NPIPB6: variants seen among roughly 807,000 people sequenced by gnomAD.
NPIPB6 encodes nuclear pore complex-interacting protein family member B6.
In NPIPB6, 2 loss-of-function variants were observed where a neutral mutation model predicts 20.0. The observed-to-expected ratio is 0.10, with a 90% CI of 0.04 to 0.31. The LOEUF is 0.31. NPIPB6 is among the 10% of genes least tolerant of loss of function. The pLI is 1.00. For missense variants in NPIPB6, 96 were observed against 293.7 expected (o/e 0.33, Z 4.92); for synonymous variants, 35 against 116.3 (o/e 0.30, Z 4.50).
intron 1 of NPIPB6, among the ~76,000 whole-genome samples, chr16:28,359,250 CAG>C: frequency 1.7e-5 from 1 of 58,802 alleles, no homozygotes; most frequent in South Asian, 6.7e-4. Context: ...ATAGCCCAAG[CAG>C]AGACAGGGAA....
At chr16:28,342,550 G>T, downstream of NPIPB6, 1 of 1,067,398 alleles carries the variant, frequency 9.4e-7, no homozygotes, top group Non-Finnish European at 1.4e-6. Context: ...TTCTTCGTTA[G>T]TTTGTTTTTG....
chr16:28,358,944 T>TG, intron 1 of NPIPB6, among the ~76,000 whole-genome samples: 1 of 144,904 alleles, frequency 6.9e-6, no homozygotes, highest in Non-Finnish European at 1.5e-5. Context: ...TAGCCAGGCA[T>TG]GGTGGCACCC....
At chr16:28,346,340 C>A (rs1472489130) in intron 4 of NPIPB6, 1 of 789,370 alleles carries the variant, frequency 1.3e-6, no homozygotes, top group South Asian at 5.3e-5. Context: ...CAGTCAGAGG[C>A]TGATGCCGGA....
chr16:28,344,875 CG>C (rs2045053361), intron 4 of NPIPB6, 122 bp from the exon 6 acceptor site: 1 of 35,948 alleles, frequency 2.8e-5, no homozygotes, highest in Admixed American at 3.8e-4. Flanking sequence ...ACCTAGAAAA[CG>C]TATTTCAGAT....
intron 1 of NPIPB6, among the ~76,000 whole-genome samples, chr16:28,362,118 GAC>G (rs2045456058): frequency 8.3e-6 from 1 of 120,238 alleles, no homozygotes; most frequent in Non-Finnish European, 1.7e-5. Context: ...TTTTTTTTTT[GAC>G]AGAGTCTCGC....
At chr16:28,351,766 T>C (rs1215232383) in intron 2 of NPIPB6, among the ~76,000 whole-genome samples, 1 of 84,442 alleles carries the variant, frequency 1.2e-5, no homozygotes, top group Non-Finnish European at 2.7e-5. Flanking sequence ...ACTCATATAT[T>C]TTCTGTTTTC....
exon 7 of NPIPB6, chr16:28,343,169 T>C: frequency 3.8e-6 from 6 of 1,583,392 alleles, no homozygotes; most frequent in Admixed American, 1.7e-5. Flanking sequence ...ATGACGATGC[T>C]CCGCTGCCAC....
At chr16:28,348,281 T>A (rs59201460) in intron 4 of NPIPB6, among the ~76,000 whole-genome samples, 31,164 of 92,138 alleles carry the variant, frequency 0.34, 8,994 homozygotes, top group Middle Eastern at 0.55. Flanking sequence ...CTCAAAATTT[T>A]AAAAAAAAAA....
In NPIPB6 at chr16:28,348,303, G is replaced by C. The variant is rs997485388; in HGVS notation, c.599+531C>G. On this transcript the variant is annotated intron_variant, in intron 4 of 6. Coordinates refer to ENST00000532254, the Ensembl canonical transcript of NPIPB6. Reference sequence around the variant, plus strand: ...TTTTAAAAAAAAAAAAAAAAGGCTGGGTGTGGTGGCTCACACCTCTAATCC... The same window carrying C: ...TTTTAAAAAAAAAAAAAAAAGGCTGCGTGTGGTGGCTCACACCTCTAATCC... Among the ~76,000 whole-genome samples, 503 of 110,090 alleles carry C rather than the reference G, an allele frequency of 4.6e-3. 118 individuals are homozygous for C. Among genetic ancestry groups the C allele is most frequent in the Non-Finnish European group, 8.9e-3 (440 of 49,650 alleles). The allele number at this position is 110,090 out of a possible 152,430, so 72.2% of individuals were successfully genotyped here.
intron 1 of NPIPB6, among the ~76,000 whole-genome samples, chr16:28,361,762 G>A (rs1460628540): frequency 2.2e-3 from 169 of 77,636 alleles, no homozygotes; most frequent in Middle Eastern, 0.012. Flanking sequence ...GTGTGTGTGT[G>A]TGTGTGTATG....
At chr16:28,360,223 C>T (rs1261202293) in intron 1 of NPIPB6, among the ~76,000 whole-genome samples, 2 of 126,340 alleles carry the variant, frequency 1.6e-5, no homozygotes, top group African/African-American at 2.8e-5. Context: ...CTGAAAGGAA[C>T]AGGAGACTTG....
intron 4 of NPIPB6, 145 bp downstream of exon 5, chr16:28,348,685 AAACT>A (rs1188924084): frequency 5.9e-6 from 1 of 168,106 alleles, no homozygotes; most frequent in African/African-American, 3.9e-5. Context: ...TATACAGCTT[AAACT>A]AATGAAGCAG....
chr16:28,350,679 G>A (rs1178746002), intron 2 of NPIPB6, among the ~76,000 whole-genome samples: 1 of 100,530 alleles, frequency 9.9e-6, no homozygotes, highest in South Asian at 3.1e-4. Context: ...TCTTGAGATG[G>A]AGTGTCACTC....
chr16:28,350,219 A>C (rs796480162), intron 2 of NPIPB6, among the ~76,000 whole-genome samples: 4 of 107,522 alleles, frequency 3.7e-5, no homozygotes, highest in Non-Finnish European at 6.2e-5. Flanking sequence ...AAAAAATGAC[A>C]TGAATATACT....
intron 2 of NPIPB6, among the ~76,000 whole-genome samples, chr16:28,350,633 A>G (rs2045208646): frequency 8.7e-6 from 1 of 115,206 alleles, no homozygotes; most frequent in African/African-American, 3.1e-5. Flanking sequence ...TCAGATACCT[A>G]TGAATGTCCT....
In NPIPB6 at chr16:28,348,299, G is replaced by C. The variant is rs866339197; in HGVS notation, c.599+535C>G. Among the ~76,000 whole-genome samples, 33 of 109,634 alleles carry C rather than the reference G, an allele frequency of 3.0e-4. 4 individuals carry two copies. Among genetic ancestry groups the C allele is most frequent in the Non-Finnish European group, 5.2e-4 (26 of 49,596 alleles). The allele number at this position is 109,634 out of a possible 152,430, so 71.9% of individuals were successfully genotyped here. On this transcript the variant is annotated intron_variant, in intron 4 of 6. Coordinates refer to ENST00000532254, the Ensembl canonical transcript of NPIPB6. ...AAAATTTTAAAAAAAAAAAAAAAAG[G>C]CTGGGTGTGGTGGCTCACACCTCTA...
upstream of NPIPB6, chr16:28,364,749 CCGA>C (rs2045480399): frequency 2.3e-5 from 1 of 43,936 alleles, no homozygotes; most frequent in East Asian, 7.3e-4. Flanking sequence ...TGCTGCACCG[CCGA>C]CTTCTTGGAG....
chr16:28,348,277 A>AT lies in NPIPB6; in HGVS notation c.599+556dup, dbSNP rs753873560. ...CGACAGAGCGAGATTCTATCTCAAA[A>AT]TTTTAAAAAAAAAAAAAAAAGGCTG... On this transcript the variant is annotated intron_variant, in intron 4 of 6. Transcript: ENST00000532254. Among the ~76,000 whole-genome samples, 17 of 108,350 alleles carry AT rather than the reference A, an allele frequency of 1.6e-4. 4 individuals are homozygous for AT. The highest frequency in any genetic ancestry group is 3.5e-4 in the Non-Finnish European group (17 of 48,886). 71.1% of individuals were successfully genotyped at this position (108,350 alleles called of 152,430 possible).
At chr16:28,361,610 TAC>T (rs1255673100) in intron 1 of NPIPB6, among the ~76,000 whole-genome samples, 2 of 148,732 alleles carry the variant, frequency 1.3e-5, no homozygotes, top group Non-Finnish European at 3.0e-5. Flanking sequence ...TAGTCCCAGC[TAC>T]TCAGAGGCTG....
Sources: allele counts gnomAD v4.1 joint callset (sites outside exome capture counted in the v4.1 genomes callset), GRCh38; gene constraint gnomAD v4.1.1; transcripts MANE v1.5; gene names NCBI Gene and HGNC (gene_info 2026-07-23, HGNC 2026-07-21).